Variants in ZSWIM8 observed in about 807,000 individuals in gnomAD.
ZSWIM8 encodes zinc finger SWIM-type containing 8.
A neutral mutation model predicts 173.7 loss-of-function variants in ZSWIM8; 27 were observed. The ratio of observed to expected loss-of-function variants is 0.16; its 90% CI spans 0.11 to 0.21. ZSWIM8 has a LOEUF of 0.21. ZSWIM8 is among the 10% of genes least tolerant of loss of function. The pLI, the probability that ZSWIM8 is intolerant of heterozygous loss-of-function variation, is 1.00. For missense variants in ZSWIM8, 1,627 were observed against 2,428.8 expected (o/e 0.67, Z 6.94); for synonymous variants, 958 against 962.0 (o/e 1.00, Z 0.08).
rs2132820622 is a variant in ZSWIM8, at chr10:73,800,275, C to T, written c.4826-21C>T. On this transcript the variant is annotated intron_variant, in intron 22 of 25. Coordinates refer to ENST00000604729, the MANE Select transcript of ZSWIM8 (RefSeq NM_001367799.1). The surrounding 1 kb of genome is among the most constrained non-coding windows in gnomAD (Gnocchi z 4.1). ...CTCTCTTTGGGCTCTGAGTTCCTCACATGGCTCTCACCCCACTTAGTGAGC... is the reference window on the plus strand; with the variant it reads ...CTCTCTTTGGGCTCTGAGTTCCTCATATGGCTCTCACCCCACTTAGTGAGC... 6.2e-7 allele frequency: 1 copy of T among 1,613,010 alleles called. No homozygotes were observed. Among genetic ancestry groups the T allele is most frequent in the South Asian group, 1.1e-5 (1 of 91,022 alleles).
chr10:73,795,278 A>T (rs1345626690), intron 14 of ZSWIM8, among the ~76,000 whole-genome samples: 3 of 152,248 alleles, frequency 2.0e-5, no homozygotes. Context: ...TCAAGTTTTC[A>T]TGAGAATGAG....
Position 73,798,336 on chromosome 10 carries a change from G to A in ZSWIM8, c.4059G>A (p.Arg1353=). 1 of 1,614,034 alleles carries A rather than the reference G, an allele frequency of 6.2e-7. No individual in the cohort carries two copies. ...EVASLADRAS[R]ARDSNMVRAA... ...CATCCCTGGCTGACAGGGCATCACG[G>A]GCAAGAGACTCCAATATGGTGAGGG... Residue 1353 remains arginine, a synonymous_variant, in exon 20 of 26, where the codon CGG becomes CGA. Coordinates refer to ENST00000604729, the MANE Select transcript of ZSWIM8 (RefSeq NM_001367799.1).
At chr10:73,798,975 T>C (rs1284648900) in intron 20 of ZSWIM8, 27 bp from the exon 21 acceptor site, 1 of 1,585,112 alleles carries the variant, frequency 6.3e-7, no homozygotes, top group African/African-American at 1.3e-5. Context: ...CCTTTCCCCC[T>C]TAACACTCTG....
rs2083940097 is a variant in ZSWIM8 at position 73,801,136 on chromosome 10, C to T, written c.5242C>T (p.His1748Tyr). The change falls in exon 25 of 26, where the codon CAC (histidine) becomes TAC (tyrosine). Residue 1748 changes from histidine (H) to tyrosine (Y), a missense_variant. His to Tyr is a moderately conservative substitution (Grantham distance 83). Transcript: ENST00000604729. The surrounding 1 kb of genome is among the most constrained non-coding windows in gnomAD (Gnocchi z 4.9). ...QRLSPAHAHN[H>Y]LRAPAFHQLV... ...GCTGAGTCCCGCTCATGCCCACAAC[C>T]ACCTGCGTGCCCCGGCCTTCCACCA... is the stretch of plus-strand genomic sequence containing the variant. 1 of 1,590,200 alleles carries T rather than the reference C, an allele frequency of 6.3e-7. No individual in the cohort carries two copies. The highest frequency in any genetic ancestry group is 1.3e-5 in the African/African-American group (1 of 74,304).
At chr10:73,796,732 C>G in intron 15 of ZSWIM8, 42 bp from the exon 16 acceptor site, 1 of 1,604,368 alleles carries the variant, frequency 6.2e-7, no homozygotes, top group Non-Finnish European at 8.5e-7. Flanking sequence ...TAAAGGGCAT[C>G]CTGTCACTGC....
Position 73,800,468 on chromosome 10 carries a change from T to C in ZSWIM8, c.4998T>C (p.Arg1666=). Residue 1666 remains arginine, a synonymous_variant, in exon 23 of 26, where the codon CGT becomes CGC. Transcript: ENST00000604729. This position sits in a 1 kb window ranked among gnomAD's most constrained non-coding sequence, Gnocchi z 4.1. ...TGCACCACCTGCATGCTGCCTACCGTGTCGGTGAGAGGACATCCCTTTCTG... is the reference window on the plus strand; with the variant it reads ...TGCACCACCTGCATGCTGCCTACCGCGTCGGTGAGAGGACATCCCTTTCTG... ...HSLHHLHAAY[R]VGMLALEMLG... The C allele has an allele frequency of 6.2e-7, 1 of 1,613,682 alleles. No individual in the cohort carries two copies. Among genetic ancestry groups the C allele is most frequent in the Non-Finnish European group, 8.5e-7 (1 of 1,179,750 alleles).
In ZSWIM8 at chr10:73,799,167, G is replaced by T. The variant is rs1226804825; in HGVS notation, c.4342G>T (p.Ala1448Ser). The T allele has an allele frequency of 1.2e-6, 2 of 1,612,288 alleles. No homozygotes were observed. Among genetic ancestry groups the T allele is most frequent in the Admixed American group, 3.4e-5 (2 of 59,620 alleles). The change falls in exon 21 of 26, where the codon GCC (alanine) becomes TCC (serine). Residue 1448 changes from alanine to serine, a missense_variant. Ala to Ser is a moderately conservative substitution (Grantham distance 99). Transcript: ENST00000604729. ...CCGTGAAGGGGCTACAAGCTGTAGT[G>T]CCAGTGGGATCAGGGCAGGTGGGGA... ...TAREGATSCS[A>S]SGIRAGGEAG...
At chr10:73,795,492 G>A (rs1413399168) in intron 14 of ZSWIM8, 47 bp from the exon 15 acceptor site, 4 of 1,608,898 alleles carry the variant, frequency 2.5e-6, no homozygotes, top group Non-Finnish European at 3.4e-6. Flanking sequence ...TTGCTGTCTT[G>A]GGAATTATGA....
At position 73,800,289 on chromosome 10, in the gene ZSWIM8, C is replaced by G; in HGVS notation, c.4826-7C>G. 1 of 1,613,650 alleles carries G rather than the reference C, an allele frequency of 6.2e-7. No homozygotes were observed. The stretch of plus-strand genomic sequence containing the variant: ...TGAGTTCCTCACATGGCTCTCACCC[C>G]ACTTAGTGAGCAGTGTCCATCCAGC... On this transcript the variant is annotated splice_region_variant and splice_polypyrimidine_tract_variant and intron_variant, in intron 22 of 25. Coordinates refer to ENST00000604729, the MANE Select transcript of ZSWIM8 (RefSeq NM_001367799.1). The surrounding 1 kb of genome is among the most constrained non-coding windows in gnomAD (Gnocchi z 4.1).
chr10:73,796,522 CTTATTTCAGTATTTA>C (rs1446512021), intron 15 of ZSWIM8: 1 of 545,868 alleles, frequency 1.8e-6, no homozygotes, highest in African/African-American at 1.9e-5. Context: ...CATTCATTCA[CTTATTTCAGTATTTA>C]TTGACTATCA....
At position 73,799,310 on chromosome 10, in the gene ZSWIM8, T is replaced by C; in HGVS notation, c.4485T>C (p.Ser1495=). The stretch of plus-strand genomic sequence containing the variant: ...TGCCCGTCATATCGGTGGGGTCTAG[T>C]TTATACCCGGGTCCAGGACTGGGGC... The part of the protein sequence containing the change: ...TVVPVISVGS[S]LYPGPGLGHG... Residue 1495 remains serine, a synonymous_variant, in exon 21 of 26, where the codon AGT becomes AGC. Coordinates refer to ENST00000604729, the MANE Select transcript of ZSWIM8 (RefSeq NM_001367799.1). 1 of 1,606,888 alleles carries C rather than the reference T, an allele frequency of 6.2e-7. No homozygotes were observed. Among genetic ancestry groups the C allele is most frequent in the Non-Finnish European group, 8.5e-7 (1 of 1,176,862 alleles).
intron 14 of ZSWIM8, 39 bp from the exon 15 acceptor site, chr10:73,795,500 T>C (rs2083599082): frequency 2.5e-6 from 4 of 1,611,398 alleles, no homozygotes; most frequent in East Asian, 2.2e-5. Context: ...TTGGGAATTA[T>C]GACTACTCTC....
At chr10:73,790,357 G>A (rs2083374044) in intron 7 of ZSWIM8, 65 bp downstream of exon 7, 3 of 1,534,028 alleles carry the variant, frequency 2.0e-6, no homozygotes, top group Non-Finnish European at 2.6e-6. Flanking sequence ...GCTGATGACA[G>A]ATCCTTTCTT....
At chr10:73,794,746 C>T (rs1159844451) in intron 14 of ZSWIM8, 107 bp downstream of exon 14, 4 of 996,790 alleles carry the variant, frequency 4.0e-6, no homozygotes, top group African/African-American at 3.2e-5. Flanking sequence ...GTCAGGATGA[C>T]ATGTGTGAGC....
At chr10:73,793,025 T>A (rs146446764) in intron 10 of ZSWIM8, among the ~76,000 whole-genome samples, 173 bp downstream of exon 10, 162 of 152,318 alleles carry the variant, frequency 1.1e-3, no homozygotes, top group African/African-American at 3.5e-3. Context: ...CCACGAGATT[T>A]TCCTGAAATG....
chr10:73,791,265 G>A lies in ZSWIM8; in HGVS notation c.1144-59G>A, dbSNP rs1246046307. 2.5e-6 allele frequency: 4 copies of A among 1,575,792 alleles called. No homozygotes were observed. In the East Asian group the frequency reaches 9.0e-5, roughly 36 times the overall value. On this transcript the variant is annotated intron_variant, in intron 8 of 25. Coordinates refer to ENST00000604729, the MANE Select transcript of ZSWIM8 (RefSeq NM_001367799.1). The surrounding 1 kb of genome is among the most constrained non-coding windows in gnomAD (Gnocchi z 6.0). Reference sequence around the variant, plus strand: ...CCTCTTGCTGAAATGGACTCTGGGAGGGCTACTCTGCCTTTCTCTGAGCTC... The same window carrying A: ...CCTCTTGCTGAAATGGACTCTGGGAAGGCTACTCTGCCTTTCTCTGAGCTC...
Position 73,799,249 on chromosome 10 carries a change from T to TGGCAGC in ZSWIM8, c.4431_4436dup (p.Ala1478_Ala1479dup). 6.2e-7 allele frequency: 1 copy of TGGCAGC among 1,601,130 alleles called. No homozygotes were observed. The highest frequency in any genetic ancestry group is 1.1e-5 in the South Asian group (1 of 89,478). ...GGCCCAGGGACTGAGCCGGTTACAGTGGCAGCGGCAGCAGTGACAGCAGCA... is the reference window on the plus strand; with the variant it reads ...GGCCCAGGGACTGAGCCGGTTACAGTGGCAGCGGCAGCGGCAGCAGTGACAGCAGCA... On this transcript the variant is annotated inframe_insertion, in exon 21 of 26. Transcript: ENST00000604729.
At chr10:73,786,170 G>A in intron 1 of ZSWIM8, 84 bp downstream of exon 1, 3 of 1,345,724 alleles carry the variant, frequency 2.2e-6, no homozygotes, top group African/African-American at 1.5e-5. Flanking sequence ...AGCTGTCCCC[G>A]ACCAAGAGCT....
rs945751615 is a variant in ZSWIM8, at chr10:73,798,291, C to A, written c.4014C>A (p.His1338Gln). ...TACTGGTAGAATGCTGGGATGGGCA[C>A]CTGACACCCCCTGAGGTTGCATCCC... ...LTILVECWDG[H>Q]LTPPEVASLA... is the part of the protein sequence containing the mutation. The change falls in exon 20 of 26, where the codon CAC becomes CAA. Residue 1338 changes from histidine to glutamine, a missense_variant. Around this residue, in one of 18 missense-constraint regions of ZSWIM8, gnomAD observed 95 missense variants for 271.3 expected, o/e 0.35. Transcript: ENST00000604729. 1 of 1,614,052 alleles carries A rather than the reference C, an allele frequency of 6.2e-7. No individual in the cohort carries two copies. The highest frequency in any genetic ancestry group is 8.5e-7 in the Non-Finnish European group (1 of 1,179,902).
Sources: allele counts gnomAD v4.1 joint callset (sites outside exome capture counted in the v4.1 genomes callset), GRCh38; gene constraint gnomAD v4.1.1; regional missense constraint gnomAD v4.1.1; non-coding constraint Gnocchi (gnomAD v3.1); transcripts MANE v1.5; gene names NCBI Gene and HGNC (gene_info 2026-07-23, HGNC 2026-07-21).